The following GPT2 variants were observed in gnomAD, a reference collection of about 807,000 sequenced individuals.
The protein encoded by GPT2 is glutamic--pyruvic transaminase 2, also known as alanine aminotransferase 2.
GPT2 carries 30 observed loss-of-function variants against 56.9 expected under a neutral mutation model. The ratio of observed to expected loss-of-function variants is 0.53; its 90% CI spans 0.39 to 0.72. The LOEUF is 0.72. Among genes scored for constraint, GPT2 ranks in the 30% least tolerant of loss-of-function variants. The pLI is 0.00. For synonymous variants in GPT2, 271 were observed against 283.1 expected (o/e 0.96, Z 0.43); for missense variants, 542 against 703.4 (o/e 0.77, Z 2.60).
chr16:46,899,018 T>TAACAC (rs376636498), intron 3 of GPT2, among the ~76,000 whole-genome samples: 2 of 6,366 alleles, frequency 3.1e-4, no homozygotes, highest in African/African-American at 8.8e-4. Flanking sequence ...TATATATATA[T>TAACAC]ATATATATAT....
At chr16:46,888,428 C>T (rs767679877) in intron 2 of GPT2, among the ~76,000 whole-genome samples, 1 of 152,174 alleles carries the variant, frequency 6.6e-6, no homozygotes, top group Non-Finnish European at 1.5e-5. Flanking sequence ...CTCACTGCAA[C>T]CTCCGCCTCC....
At chr16:46,902,529 G>T (rs551924236) in intron 4 of GPT2, among the ~76,000 whole-genome samples, 2 of 152,286 alleles carry the variant, frequency 1.3e-5, no homozygotes, top group South Asian at 4.2e-4. Flanking sequence ...GCCCACAGGA[G>T]TAAAAAGAAA....
At chr16:46,902,085 C>T (rs1247134228) in intron 4 of GPT2, among the ~76,000 whole-genome samples, 5 of 152,214 alleles carry the variant, frequency 3.3e-5, no homozygotes, top group Non-Finnish European at 4.4e-5. Context: ...GTGTCTGATG[C>T]GAGTGTCTGG....
At position 46,929,492 on chromosome 16, in the gene GPT2, C is replaced by T. The variant is rs571212829; in HGVS notation, c.*495C>T. 2 of 161,840 alleles carry T rather than the reference C, an allele frequency of 1.2e-5. No homozygotes were observed. Among genetic ancestry groups the T allele is most frequent in the East Asian group, 3.4e-4 (2 of 5,874 alleles). The allele number at this position is 161,840 out of a possible 1,614,324, so 10.0% of individuals were successfully genotyped here. On this transcript the variant is annotated 3_prime_UTR_variant, in exon 12 of 12. Coordinates refer to ENST00000340124, the MANE Select transcript of GPT2 (RefSeq NM_133443.4). ...AGGCCCCTGGGGCTGAGAAAGGGTCCGCCCGGTGGCCTGGAGGCAGGCGCC... is the reference window on the plus strand; with the variant it reads ...AGGCCCCTGGGGCTGAGAAAGGGTCTGCCCGGTGGCCTGGAGGCAGGCGCC...
chr16:46,890,739 ACAGT>A (rs1400790076), intron 2 of GPT2, among the ~76,000 whole-genome samples: 2 of 152,234 alleles, frequency 1.3e-5, no homozygotes, highest in Non-Finnish European at 2.9e-5. Context: ...AATGATTATC[ACAGT>A]CAATTATTAA....
chr16:46,893,418 ACCGTGCCTGACCCTTT>A (rs1210853364), intron 2 of GPT2, among the ~76,000 whole-genome samples: 2 of 152,172 alleles, frequency 1.3e-5, no homozygotes, highest in African/African-American at 4.8e-5. Context: ...GGCTTGAATC[ACCGTGCCTGACCCTTT>A]CCTGAATATT....
At chr16:46,924,355 T>A in intron 9 of GPT2, 34 bp from the exon 10 acceptor site, 1 of 1,612,456 alleles carries the variant, frequency 6.2e-7, no homozygotes, top group Non-Finnish European at 8.5e-7. Flanking sequence ...TATCCAGAGA[T>A]ACTGACTGCT....
chr16:46,926,945 C>A lies in GPT2; in HGVS notation c.1389C>A (p.Asp463Glu). ...CATAGGCCCATCAAATGGCTCCAGA[C>A]ATGTTCTACTGCATGAAGCTCCTGG... ...EAAQAHQMAPDMFYCMKLLEE... is the reference protein window; with the variant it reads ...EAAQAHQMAPEMFYCMKLLEE... The change falls in exon 11 of 12, where the codon GAC becomes GAA. Residue 463 changes from aspartate to glutamate, a missense_variant. Coordinates refer to ENST00000340124, the MANE Select transcript of GPT2 (RefSeq NM_133443.4). 1 of 1,597,574 alleles carries A rather than the reference C, an allele frequency of 6.3e-7. No individual in the cohort carries two copies. Among genetic ancestry groups the A allele is most frequent in the Non-Finnish European group, 8.5e-7 (1 of 1,173,182 alleles).
In GPT2 at chr16:46,922,493, C is replaced by T. The variant is rs1961311856; in HGVS notation, c.1212+77C>T. 5.7e-6 allele frequency: 8 copies of T among 1,409,492 alleles called. No individual in the cohort carries two copies. In the East Asian group the frequency reaches 1.9e-4, roughly 33 times the overall value. The allele number at this position is 1,409,492 out of a possible 1,614,324, so 87.3% of individuals were successfully genotyped here. ...CCTGCTGGGCCAGTGGCCAGCCTGTCTCCAGGTGGCCAGACAGCAGCCTCC... is the reference window on the plus strand; with the variant it reads ...CCTGCTGGGCCAGTGGCCAGCCTGTTTCCAGGTGGCCAGACAGCAGCCTCC... On this transcript the variant is annotated intron_variant, in intron 9 of 11. Coordinates refer to ENST00000340124, the MANE Select transcript of GPT2 (RefSeq NM_133443.4).
rs761253609 is a variant in GPT2 at position 46,909,785 on chromosome 16, C to T, written c.678C>T (p.Leu226=). The T allele has an allele frequency of 6.8e-6, 11 of 1,614,116 alleles. No homozygotes were observed. Among genetic ancestry groups the T allele is most frequent in the South Asian group, 1.1e-5 (1 of 91,070 alleles). The stretch of plus-strand genomic sequence containing the variant: ...TCTATTCAGCTGTCATCTCTGAGCT[C>T]GACGCCATCCAGGTGAATTACTACC... The part of the protein sequence containing the change: ...YPLYSAVISE[L]DAIQVNYYLD... The change falls in exon 6 of 12, where the codon CTC becomes CTT. Residue 226 remains leucine, a synonymous_variant. Coordinates refer to ENST00000340124, the MANE Select transcript of GPT2 (RefSeq NM_133443.4).
chr16:46,913,148 G>A (rs913242952), intron 6 of GPT2, among the ~76,000 whole-genome samples: 3 of 152,176 alleles, frequency 2.0e-5, no homozygotes, highest in Admixed American at 6.5e-5. Context: ...GCTCTGAGGC[G>A]CTGGAGAGAA....
intron 4 of GPT2, among the ~76,000 whole-genome samples, chr16:46,903,360 G>C (rs1596869043): frequency 6.6e-6 from 1 of 152,018 alleles, no homozygotes; most frequent in Non-Finnish European, 1.5e-5. Flanking sequence ...CCAGGCTGGA[G>C]TGCAGTGGTG....
At position 46,900,719 on chromosome 16, in the gene GPT2, G is replaced by C. The variant is rs776650490; in HGVS notation, c.371G>C (p.Ser124Thr). The C allele has an allele frequency of 6.9e-5, 112 of 1,613,970 alleles. No individual in the cohort carries two copies. The highest frequency in any genetic ancestry group is 9.2e-5 in the Non-Finnish European group (109 of 1,179,980). Residue 124 changes from serine to threonine, a missense_variant, in exon 4 of 12, where the codon AGC becomes ACC. Ser to Thr is a moderately conservative substitution (Grantham distance 58). Transcript: ENST00000340124. ...TGCACCTACCCAAACCTGCTGGACA[G>C]CCCCAGCTTCCCAGAAGATGCTAAG... ...ALCTYPNLLD[S>T]PSFPEDAKKR...
At position 46,929,306 on chromosome 16, in the gene GPT2, G is replaced by A. The variant is rs1961483213; in HGVS notation, c.*309G>A. 1 of 345,672 alleles carries A rather than the reference G, an allele frequency of 2.9e-6. No homozygotes were observed. Among genetic ancestry groups the A allele is most frequent in the Non-Finnish European group, 5.5e-6 (1 of 181,896 alleles). 21.4% of individuals were successfully genotyped at this position (345,672 alleles called of 1,614,324 possible). On this transcript the variant is annotated 3_prime_UTR_variant, in exon 12 of 12. Coordinates refer to ENST00000340124, the MANE Select transcript of GPT2 (RefSeq NM_133443.4). ...ATTTGGGGTTTACAACAACTAGGATGTGTTGGGTGAGATGTTTCAGATCTG... is the reference window on the plus strand; with the variant it reads ...ATTTGGGGTTTACAACAACTAGGATATGTTGGGTGAGATGTTTCAGATCTG...
At chr16:46,900,634 T>C in intron 3 of GPT2, 48 bp from the exon 4 acceptor site, 1 of 1,454,020 alleles carries the variant, frequency 6.9e-7, no homozygotes, top group Non-Finnish European at 9.6e-7. Context: ...CTCCTGGAGC[T>C]CTAGGAGTGG....
In GPT2 at chr16:46,922,302, G is replaced by C; in HGVS notation, c.1098G>C (p.Gln366His). 1.2e-6 allele frequency: 2 copies of C among 1,614,232 alleles called. No homozygotes were observed. The highest frequency in any genetic ancestry group is 1.7e-6 in the Non-Finnish European group (2 of 1,180,042). ...ACCTGCACCCTGAGATCAAGGGCCA[G>C]CTGGTGAAGCTGCTGTCGGTGCGCC... ...VINLHPEIKG[Q>H]LVKLLSVRLC... is the part of the protein sequence containing the mutation. Residue 366 changes from glutamine (Q) to histidine (H), a missense_variant, in exon 9 of 12, where the codon CAG (glutamine) becomes CAC (histidine). Physicochemically the swap from Gln to His is conservative, Grantham distance 24 (BLOSUM62 0). Coordinates refer to ENST00000340124, the MANE Select transcript of GPT2 (RefSeq NM_133443.4).
chr16:46,915,603 C>G (rs1197605550), intron 6 of GPT2: 1 of 149,986 alleles, frequency 6.7e-6, no homozygotes, highest in Non-Finnish European at 1.5e-5. Flanking sequence ...ACCACACCTA[C>G]ACACACACCA....
intron 10 of GPT2, 45 bp downstream of exon 10, chr16:46,924,589 T>G: frequency 1.2e-6 from 2 of 1,603,598 alleles, no homozygotes; most frequent in Non-Finnish European, 1.7e-6. Context: ...CAGGTTCACC[T>G]GAGATGCTGG....
chr16:46,924,663 C>A, intron 10 of GPT2, 119 bp downstream of exon 10: 2 of 1,007,166 alleles, frequency 2.0e-6, no homozygotes, highest in Non-Finnish European at 1.5e-6. Flanking sequence ...GAACTGTATG[C>A]ACCTCTCGGC....
Sources: gnomAD v4.1 joint callset for allele counts (sites outside exome capture counted in the v4.1 genomes callset) on GRCh38, gnomAD v4.1.1 for gene constraint, MANE v1.5 for transcripts, NCBI Gene and HGNC (gene_info 2026-07-23, HGNC 2026-07-21) for gene names.